The following GOLPH3 variants were observed in gnomAD, a reference collection of about 807,000 sequenced individuals.
The protein encoded by GOLPH3 is golgi phosphoprotein 3, also known as coat protein GPP34.
GOLPH3 carries 14 observed loss-of-function variants against 28.5 expected under a neutral mutation model. The observed-to-expected ratio is 0.49, with a 90% CI of 0.32 to 0.77. The LOEUF is 0.77. Among genes scored for constraint, GOLPH3 ranks in the 30% least tolerant of loss-of-function variants. GOLPH3 has a pLI of 0.03. For missense variants in GOLPH3, 350 were observed against 393.7 expected (o/e 0.89, Z 0.94); for synonymous variants, 158 against 159.2 (o/e 0.99, Z 0.06).
At chr5:32,145,135 T>C (rs185410930) in intron 1 of GOLPH3, among the ~76,000 whole-genome samples, 6 of 152,330 alleles carry the variant, frequency 3.9e-5, no homozygotes, top group African/African-American at 9.6e-5. Flanking sequence ...TGACTGACCA[T>C]TGAGGTCCAT....
At chr5:32,135,513 T>A (rs1745913475) in intron 3 of GOLPH3, 59 bp downstream of exon 3, 1 of 1,064,852 alleles carries the variant, frequency 9.4e-7, no homozygotes, top group African/African-American at 1.6e-5. Context: ...TTCAAAAGGA[T>A]TTAAACTTCG....
intron 2 of GOLPH3, among the ~76,000 whole-genome samples, chr5:32,140,854 G>A (rs1022277096): frequency 4.0e-5 from 6 of 149,742 alleles, no homozygotes; most frequent in African/African-American, 1.5e-4. Flanking sequence ...AGACTTTACC[G>A]CAACTCTGTA....
chr5:32,132,887 A>G (rs1196899111), intron 3 of GOLPH3, among the ~76,000 whole-genome samples: 1 of 152,034 alleles, frequency 6.6e-6, no homozygotes, highest in African/African-American at 2.4e-5. Context: ...GATTTTTTTT[A>G]ATTTTTTTAA....
At chr5:32,139,884 C>G (rs899781230) in intron 2 of GOLPH3, among the ~76,000 whole-genome samples, 1 of 152,036 alleles carries the variant, frequency 6.6e-6, no homozygotes, top group Non-Finnish European at 1.5e-5. Context: ...ATCCATAAAA[C>G]AAACTACGAT....
intron 1 of GOLPH3, among the ~76,000 whole-genome samples, chr5:32,160,107 G>T (rs1418991130): frequency 2.0e-5 from 3 of 152,162 alleles, no homozygotes; most frequent in East Asian, 1.9e-4. Context: ...ACTGAGGTGG[G>T]AGGATCACTT....
At chr5:32,137,909 GT>G (rs397997289) in intron 2 of GOLPH3, among the ~76,000 whole-genome samples, 1 of 143,124 alleles carries the variant, frequency 7.0e-6, no homozygotes. Flanking sequence ...GGTTTTTTTT[GT>G]TTTTTTTTTT....
In GOLPH3 at chr5:32,125,760, G is replaced by C. The variant is rs940781559; in HGVS notation, c.*452C>G. ...AGTATACATCTCAACTGAAGTCTAT[G>C]TAAAAAATGTCCTAATAGATACAGA... On this transcript the variant is annotated 3_prime_UTR_variant, in exon 4 of 4. Coordinates refer to ENST00000265070, the MANE Select transcript of GOLPH3 (RefSeq NM_022130.4). 2.6e-5 allele frequency: 4 copies of C among 155,576 alleles called. No individual in the cohort carries two copies. The highest frequency in any genetic ancestry group is 9.6e-5 in the African/African-American group (4 of 41,526). The allele number at this position is 155,576 out of a possible 1,614,324, so 9.6% of individuals were successfully genotyped here. A position where few individuals can be genotyped will look rare whatever the true frequency, so the allele number is the denominator to read the frequency against.
intron 1 of GOLPH3, among the ~76,000 whole-genome samples, chr5:32,152,910 G>A (rs1746340404): frequency 6.6e-6 from 1 of 152,078 alleles, no homozygotes; most frequent in African/African-American, 2.4e-5. Context: ...TTTACTGAGG[G>A]AAATTTGGGG....
chr5:32,137,441 CTGAGGTCAAGAGTT>C (rs1202945017), intron 2 of GOLPH3, among the ~76,000 whole-genome samples: 1 of 151,554 alleles, frequency 6.6e-6, no homozygotes, highest in African/African-American at 2.4e-5. Context: ...GGTGGATCAC[CTGAGGTCAAGAGTT>C]TGAGACCAGC....
In GOLPH3 at chr5:32,165,978, T is replaced by C. The variant is rs1746700554; in HGVS notation, c.225+7832A>G. Reference sequence around the variant, plus strand: ...GAAGGAAAAAGAAAAGACGAAAACCTTAAGCTAAAACAAACAGTTCCTGTT... The same window carrying C: ...GAAGGAAAAAGAAAAGACGAAAACCCTAAGCTAAAACAAACAGTTCCTGTT... On this transcript the variant is annotated intron_variant, in intron 1 of 3. Transcript: ENST00000265070. Among the ~76,000 whole-genome samples, 5 of 152,212 alleles carry C rather than the reference T, an allele frequency of 3.3e-5. No individual in the cohort carries two copies. In the South Asian group the frequency reaches 1.0e-3, roughly 32 times the overall value.
At chr5:32,170,972 T>C (rs1041161214) in intron 1 of GOLPH3, among the ~76,000 whole-genome samples, 2 of 152,022 alleles carry the variant, frequency 1.3e-5, no homozygotes, top group Non-Finnish European at 2.9e-5. Context: ...CTAGCAAGCA[T>C]CTGGACCTTA....
chr5:32,144,484 G>A (rs1746147422), intron 1 of GOLPH3, among the ~76,000 whole-genome samples: 2 of 152,178 alleles, frequency 1.3e-5, no homozygotes, highest in Admixed American at 6.5e-5. Flanking sequence ...CAGCTACCCA[G>A]GAAGCTAAGG....
At chr5:32,139,701 C>A (rs1029345624) in intron 2 of GOLPH3, among the ~76,000 whole-genome samples, 1 of 152,002 alleles carries the variant, frequency 6.6e-6, no homozygotes, top group Non-Finnish European at 1.5e-5. Context: ...TTTGGGGGGA[C>A]GGGAACCATT....
intron 1 of GOLPH3, among the ~76,000 whole-genome samples, chr5:32,147,921 T>C (rs1003827324): frequency 9.2e-5 from 14 of 152,206 alleles, no homozygotes; most frequent in Non-Finnish European, 5.9e-5. Flanking sequence ...CTGAGACTAG[T>C]TTTCTTCATA....
intron 1 of GOLPH3, among the ~76,000 whole-genome samples, chr5:32,158,846 G>A (rs1434490855): frequency 6.6e-6 from 1 of 152,190 alleles, no homozygotes; most frequent in African/African-American, 2.4e-5. Flanking sequence ...CATTTGGAAT[G>A]TATCCTTCCA....
chr5:32,165,989 C>CA (rs1282424256), intron 1 of GOLPH3, among the ~76,000 whole-genome samples: 1 of 152,140 alleles, frequency 6.6e-6, no homozygotes, highest in Non-Finnish European at 1.5e-5. Flanking sequence ...TAAGCTAAAA[C>CA]AAACAGTTCC....
At chr5:32,158,116 AAATAAAT>A (rs1425034020) in intron 1 of GOLPH3, among the ~76,000 whole-genome samples, 2 of 117,228 alleles carry the variant, frequency 1.7e-5, no homozygotes, top group African/African-American at 7.4e-5. Flanking sequence ...ATAAATAAAT[AAATAAAT>A]AAATAAAATA....
chr5:32,159,640 AC>A (rs1355350704), intron 1 of GOLPH3, among the ~76,000 whole-genome samples: 1 of 152,234 alleles, frequency 6.6e-6, no homozygotes, highest in Non-Finnish European at 1.5e-5. Flanking sequence ...TGTTAGTAAG[AC>A]CTAAATATAA....
chr5:32,162,914 C>CAAAAAATTACAAAATTACAA (rs1191922194), intron 1 of GOLPH3, among the ~76,000 whole-genome samples: 1 of 151,730 alleles, frequency 6.6e-6, no homozygotes, highest in African/African-American at 2.4e-5. Flanking sequence ...CCGTCTCTAC[C>CAAAAAATTACAAAATTACAA]AAAAATACAA....
Sources: gnomAD v4.1 joint callset for allele counts (sites outside exome capture counted in the v4.1 genomes callset) on GRCh38, gnomAD v4.1.1 for gene constraint, MANE v1.5 for transcripts, NCBI Gene and HGNC (gene_info 2026-07-23, HGNC 2026-07-21) for gene names.